Variants in CIRSR observed in about 807,000 individuals in gnomAD.
The protein encoded by CIRSR is CBF1 (RBPJ) interacting corepressor 1.
the CIRSR span, among the ~76,000 whole-genome samples, chr2:174,389,791 C>T: frequency 6.6e-6 from 1 of 152,156 alleles, no homozygotes; most frequent in Non-Finnish European, 1.5e-5. Flanking sequence ...CTTTGGTCTT[C>T]GTGCCCTGCA....
the CIRSR span, among the ~76,000 whole-genome samples, chr2:174,376,627 C>G: frequency 1.3e-5 from 2 of 151,636 alleles, no homozygotes; most frequent in African/African-American, 4.8e-5. Flanking sequence ...GAAACCCTGT[C>G]TCTACTAAAA....
chr2:174,378,915 G>C, the CIRSR span: 59 of 1,574,820 alleles, frequency 3.7e-5, no homozygotes, highest in Non-Finnish European at 4.7e-5. Context: ...ATCATGTCTA[G>C]TGCCTACCTG....
the CIRSR span, among the ~76,000 whole-genome samples, chr2:174,375,232 A>T: frequency 7.9e-5 from 12 of 152,186 alleles, no homozygotes; most frequent in Non-Finnish European, 1.6e-4. Context: ...AAAGGTATGC[A>T]TGTTTTTCAG....
chr2:174,387,871 T>C, the CIRSR span: 5 of 1,154,046 alleles, frequency 4.3e-6, no homozygotes, highest in African/African-American at 6.3e-5. Flanking sequence ...AAAATGCAAT[T>C]GTTTAAAGCA....
the CIRSR span, among the ~76,000 whole-genome samples, chr2:174,350,943 G>A: frequency 6.6e-6 from 1 of 152,176 alleles, no homozygotes; most frequent in Non-Finnish European, 1.5e-5. Context: ...AGCACTAAGA[G>A]GTTAACATGA....
chr2:174,364,098 G>T, the CIRSR span, among the ~76,000 whole-genome samples: 1 of 152,188 alleles, frequency 6.6e-6, no homozygotes, highest in Middle Eastern at 3.2e-3. Flanking sequence ...TAGATTCAGT[G>T]GGAGTACAGG....
the CIRSR span, chr2:174,387,720 C>T: frequency 6.3e-7 from 1 of 1,596,864 alleles, no homozygotes; most frequent in Non-Finnish European, 8.5e-7. Flanking sequence ...TAAGATATTG[C>T]TGCATCAATT....
At chr2:174,371,432 A>AGCTT in the CIRSR span, among the ~76,000 whole-genome samples, 1 of 152,238 alleles carries the variant, frequency 6.6e-6, no homozygotes, top group East Asian at 1.9e-4. Context: ...GAATATAGAT[A>AGCTT]AAAGCCAGGT....
chr2:174,372,123 T>A, the CIRSR span, among the ~76,000 whole-genome samples: 1 of 152,118 alleles, frequency 6.6e-6, no homozygotes, highest in African/African-American at 2.4e-5. Flanking sequence ...TTAGCTTTAG[T>A]TAAGTACTAC....
chr2:174,362,141 A>G, the CIRSR span, among the ~76,000 whole-genome samples: 1 of 151,266 alleles, frequency 6.6e-6, no homozygotes, highest in Non-Finnish European at 1.5e-5. Context: ...ATTTTTTTAC[A>G]AAAAAAAATT....
the CIRSR span, chr2:174,349,158 A>G: frequency 6.9e-7 from 1 of 1,452,290 alleles, no homozygotes; most frequent in Non-Finnish European, 9.1e-7. Flanking sequence ...TTTCTTCTCC[A>G]GTCGATCTAA....
the CIRSR span, among the ~76,000 whole-genome samples, chr2:174,379,541 G>A: frequency 4.6e-5 from 7 of 152,022 alleles, no homozygotes; most frequent in South Asian, 2.1e-4. Flanking sequence ...TAGGCAAAGC[G>A]GTGTTCCAAT....
the CIRSR span, among the ~76,000 whole-genome samples, chr2:174,381,299 T>A: frequency 6.6e-6 from 1 of 152,106 alleles, no homozygotes; most frequent in Non-Finnish European, 1.5e-5. Flanking sequence ...AGAGCAACTT[T>A]AAAAAAATAT....
the CIRSR span, among the ~76,000 whole-genome samples, chr2:174,361,384 C>T: frequency 6.6e-6 from 1 of 152,200 alleles, no homozygotes; most frequent in East Asian, 1.9e-4. Context: ...AGAAGGGCAA[C>T]TGAGTTTGTC....
At chr2:174,376,957 G>A in the CIRSR span, among the ~76,000 whole-genome samples, 3 of 152,102 alleles carry the variant, frequency 2.0e-5, no homozygotes, top group Admixed American at 1.3e-4. Flanking sequence ...GTTAGCACAA[G>A]TTCTTTTGAA....
At chr2:174,391,354 C>G in the CIRSR span, among the ~76,000 whole-genome samples, 4 of 152,254 alleles carry the variant, frequency 2.6e-5, no homozygotes, top group South Asian at 6.2e-4. Context: ...TTAGGTTGGG[C>G]TGAGGTGGGC....
chr2:174,362,088 G>A, the CIRSR span, among the ~76,000 whole-genome samples: 1 of 152,046 alleles, frequency 6.6e-6, no homozygotes, highest in Non-Finnish European at 1.5e-5. Flanking sequence ...ACTTGAACCT[G>A]GGAGTTTGAG....
the CIRSR span, among the ~76,000 whole-genome samples, chr2:174,370,366 T>C: frequency 6.6e-6 from 1 of 152,184 alleles, no homozygotes; most frequent in Non-Finnish European, 1.5e-5. Flanking sequence ...GACTGTTTAG[T>C]GTTACCTGTT....
At chr2:174,387,608 TTAATA>T in the CIRSR span, 9 of 1,462,288 alleles carry the variant, frequency 6.2e-6, no homozygotes, top group African/African-American at 1.3e-4. Flanking sequence ...AAAAACTGAC[TTAATA>T]TATCATTCAG....
Sources: allele counts gnomAD v4.1 joint callset (sites outside exome capture counted in the v4.1 genomes callset), GRCh38; gene constraint gnomAD v4.1.1; transcripts MANE v1.5; gene names NCBI Gene and HGNC (gene_info 2026-07-23, HGNC 2026-07-21).